Variants in NEBL observed in about 807,000 individuals in gnomAD.
NEBL encodes LIM and SH3 protein 2.
NEBL carries 122 observed loss-of-function variants against 140.2 expected under a neutral mutation model. The ratio of observed to expected loss-of-function variants is 0.87; its 90% CI spans 0.75 to 1.01. The LOEUF is 1.01. Among genes scored for constraint, NEBL ranks in the 50% least tolerant of loss-of-function variants. The pLI, the probability that NEBL is intolerant of heterozygous loss-of-function variation, is 0.00. For synonymous variants in NEBL, 436 were observed against 398.9 expected, an observed-to-expected ratio of 1.09 and a Z score of -1.11; for missense variants, 1,365 against 1,231.3, an observed-to-expected ratio of 1.11 and a Z score of -1.62.
intron 2 of NEBL, among the ~76,000 whole-genome samples, chr10:21,165,866 C>T (rs1024227479): frequency 3.3e-5 from 5 of 152,032 alleles, no homozygotes; most frequent in Non-Finnish European, 5.9e-5. Flanking sequence ...TGTCATTGTA[C>T]GTTACAGGTA....
intron 2 of NEBL, among the ~76,000 whole-genome samples, chr10:21,043,966 A>C (rs1200034701): frequency 6.6e-6 from 1 of 152,180 alleles, no homozygotes; most frequent in East Asian, 1.9e-4. Flanking sequence ...GCATATGGCC[A>C]CCTGAAGCTC....
intron 2 of NEBL, chr10:21,030,243 C>T (rs1833724049): frequency 1.8e-6 from 1 of 561,134 alleles, no homozygotes; most frequent in East Asian, 4.5e-5. Flanking sequence ...AGTGAAGAAA[C>T]CCAGGAACCG....
Position 20,958,350 on chromosome 10 carries a change from G to C in NEBL, c.357+3322C>G, listed in dbSNP as rs189972090. 2.0e-3 allele frequency among the ~76,000 whole-genome samples: 299 copies of C among 152,302 alleles called. 1 individual carries two copies. Among genetic ancestry groups the C allele is most frequent in the African/African-American group, 6.7e-3 (279 of 41,568 alleles). ...AGGAGAGGGTGGATGGCAATTAAGC[G>C]ACACAGTTGTGAAAATCCGTAAGGC... On this transcript the variant is annotated intron_variant, in intron 4 of 6. Coordinates refer to the NEBL transcript ENST00000417816.
chr10:20,916,401 TG>T (rs1157715952), intron 4 of NEBL, among the ~76,000 whole-genome samples: 1 of 152,220 alleles, frequency 6.6e-6, no homozygotes, highest in African/African-American at 2.4e-5. Flanking sequence ...CTTAATTTTT[TG>T]TTTTCTTTTG....
chr10:20,985,587 A>G (rs1837223455), intron 3 of NEBL, among the ~76,000 whole-genome samples: 1 of 152,192 alleles, frequency 6.6e-6, no homozygotes, highest in South Asian at 2.1e-4. Context: ...AACCAGTCAC[A>G]TTGCTCCTTG....
chr10:21,021,595 G>A (rs1838795123), intron 2 of NEBL, among the ~76,000 whole-genome samples: 1 of 152,110 alleles, frequency 6.6e-6, no homozygotes, highest in East Asian at 1.9e-4. Flanking sequence ...TATAAACTGT[G>A]TTTATTTTTC....
intron 11 of NEBL, among the ~76,000 whole-genome samples, chr10:20,848,338 CTT>C (rs1329227405): frequency 3.9e-4 from 60 of 152,188 alleles, no homozygotes; most frequent in Admixed American, 3.9e-3. Flanking sequence ...GGTTTCTGAA[CTT>C]TGACCAAATT....
intron 2 of NEBL, chr10:21,248,101 C>T: frequency 4.5e-6 from 1 of 223,094 alleles, no homozygotes; most frequent in Non-Finnish European, 1.0e-5. Context: ...ATCAGGGTCT[C>T]ATTCTGTTGC....
At chr10:21,119,538 T>C (rs963376810) in intron 2 of NEBL, among the ~76,000 whole-genome samples, 1 of 150,174 alleles carries the variant, frequency 6.7e-6, no homozygotes, top group African/African-American at 2.4e-5. Flanking sequence ...GAATATAACA[T>C]ATATAACATT....
intron 4 of NEBL, among the ~76,000 whole-genome samples, chr10:20,935,731 G>C (rs985552296): frequency 6.6e-6 from 1 of 152,154 alleles, no homozygotes; most frequent in Non-Finnish European, 1.5e-5. Context: ...AGGATGCAAA[G>C]AATCATTAGG....
At chr10:21,087,150 A>C (rs1031041079) in intron 2 of NEBL, among the ~76,000 whole-genome samples, 1 of 152,098 alleles carries the variant, frequency 6.6e-6, no homozygotes, top group African/African-American at 2.4e-5. Flanking sequence ...ATCTCTGTGA[A>C]CTCCTGGAGA....
intron 5 of NEBL, among the ~76,000 whole-genome samples, chr10:20,878,383 G>A (rs1014418435): frequency 6.6e-6 from 1 of 152,178 alleles, no homozygotes; most frequent in Non-Finnish European, 1.5e-5. Flanking sequence ...ATTAAATGAA[G>A]TCATTTATAG....
intron 4 of NEBL, among the ~76,000 whole-genome samples, chr10:20,926,402 T>G (rs1175000433): frequency 2.4e-5 from 2 of 83,242 alleles, no homozygotes; most frequent in African/African-American, 8.8e-5. Flanking sequence ...ATGTGAAATT[T>G]TGCTTCTTTT....
chr10:20,931,180 G>C (rs2131534036), intron 4 of NEBL, among the ~76,000 whole-genome samples: 1 of 152,134 alleles, frequency 6.6e-6, no homozygotes, highest in African/African-American at 2.4e-5. Flanking sequence ...TCATTGGGAA[G>C]ATGTTATCAA....
At chr10:20,821,000 A>G (rs947290811) in intron 19 of NEBL, among the ~76,000 whole-genome samples, 1 of 152,162 alleles carries the variant, frequency 6.6e-6, no homozygotes, top group African/African-American at 2.4e-5. Context: ...TCTGTGTGCC[A>G]TGGTATGTAG....
Position 20,947,986 on chromosome 10 carries a change from G to T in NEBL, c.357+13686C>A, listed in dbSNP as rs1835262937. On this transcript the variant is annotated intron_variant, in intron 4 of 6. Coordinates refer to the NEBL transcript ENST00000417816. Reference sequence around the variant, plus strand: ...AAAAAATATGTTAACACTAACAAAAGGTACATGTATAAATCTCATAATGTT... The same window carrying T: ...AAAAAATATGTTAACACTAACAAAATGTACATGTATAAATCTCATAATGTT... Among the ~76,000 whole-genome samples, 7 of 152,312 alleles carry T rather than the reference G, an allele frequency of 4.6e-5. No individual in the cohort carries two copies. The South Asian group carries it at 1.5e-3, about 32-fold the overall frequency.
intron 2 of NEBL, among the ~76,000 whole-genome samples, chr10:21,020,467 C>G (rs1290267099): frequency 6.6e-6 from 1 of 152,040 alleles, no homozygotes; most frequent in Non-Finnish European, 1.5e-5. Context: ...TCAAGGTTCT[C>G]CTAACCTCCA....
At chr10:20,836,559 G>C (rs117469307) in intron 13 of NEBL, among the ~76,000 whole-genome samples, 8,754 of 152,232 alleles carry the variant, frequency 0.058, 364 homozygotes, top group Middle Eastern at 0.12. Flanking sequence ...GAGACAGACA[G>C]ATAGGAGGGG....
chr10:21,041,644 T>A (rs1447230393), intron 2 of NEBL, among the ~76,000 whole-genome samples: 1 of 152,202 alleles, frequency 6.6e-6, no homozygotes, highest in Non-Finnish European at 1.5e-5. Context: ...CTCTACTCTT[T>A]TTTTTATTAT....
Sources: allele counts gnomAD v4.1 joint callset (sites outside exome capture counted in the v4.1 genomes callset), GRCh38; gene constraint gnomAD v4.1.1; transcripts MANE v1.5; gene names NCBI Gene and HGNC (gene_info 2026-07-23, HGNC 2026-07-21).